The following COL22A1 variants were observed in gnomAD, a reference collection of about 807,000 sequenced individuals.
COL22A1 encodes collagen type XXII alpha 1 chain.
In COL22A1, 221 loss-of-function variants were observed where a neutral mutation model predicts 248.9. The observed-to-expected ratio is 0.89, with a 90% confidence interval of 0.80 to 0.99. The LOEUF (loss-of-function observed/expected upper bound fraction) is 0.99. COL22A1 is among the 50% of genes least tolerant of loss of function. The pLI is 0.00. For synonymous variants in COL22A1, 891 were observed against 793.4 expected (o/e 1.12, Z -2.07); for missense variants, 2,240 against 2,179.0 (o/e 1.03, Z -0.56).
Position 138,616,049 on chromosome 8 carries a change from C to T in COL22A1, c.3876G>A (p.Glu1292=). ...GDSGAPGPRG[E]SGAMGLPGQE... ...GACCAGGAAGCCCCATGGCACCAGACTCTCCCTAGGAACAAAAAAGCCTGC... is the reference window on the plus strand; with the variant it reads ...GACCAGGAAGCCCCATGGCACCAGATTCTCCCTAGGAACAAAAAAGCCTGC... The change falls in exon 55 of 65, where the codon GAG becomes GAA. Residue 1292 remains glutamate (E), a synonymous_variant. Transcript: ENST00000303045. The T allele has an allele frequency of 6.2e-7, 1 of 1,613,246 alleles. No individual in the cohort carries two copies.
At chr8:138,756,463 A>G (rs1375596265) in intron 18 of COL22A1, among the ~76,000 whole-genome samples, 1 of 152,184 alleles carries the variant, frequency 6.6e-6, no homozygotes, top group East Asian at 1.9e-4. Context: ...AAGCATATTT[A>G]TCAATTTTGA....
intron 16 of COL22A1, among the ~76,000 whole-genome samples, chr8:138,763,564 G>T (rs1042407344): frequency 6.6e-6 from 1 of 152,148 alleles, no homozygotes; most frequent in African/African-American, 2.4e-5. Context: ...GGTGTTCCCA[G>T]TGGGGGTCCT....
intron 61 of COL22A1, among the ~76,000 whole-genome samples, 192 bp from the exon 62 acceptor site, chr8:138,597,162 A>AT (rs1817612201): frequency 6.6e-6 from 1 of 151,976 alleles, no homozygotes; most frequent in Non-Finnish European, 1.5e-5. Flanking sequence ...GCATCATCCC[A>AT]TTTTACACAG....
chr8:138,724,636 C>G lies in COL22A1; in HGVS notation c.2226G>C (p.Lys742Asn). ...GLPGEIGFPG[K>N]PGPPGPTGPP... is the part of the protein sequence containing the mutation. ...TCACCGTGGGCCCAGGAGGTCCAGG[C>G]TTTCCCGGGAAGCCGATCTCTCCAG... The change falls in exon 25 of 65, where the codon AAG becomes AAC. Residue 742 changes from lysine (K) to asparagine (N), a missense_variant. By Grantham distance (94) the Lys-to-Asn change is moderately conservative. Transcript: ENST00000303045. 1 of 1,614,186 alleles carries G rather than the reference C, an allele frequency of 6.2e-7. No individual in the cohort carries two copies. The highest frequency in any genetic ancestry group is 8.5e-7 in the Non-Finnish European group (1 of 1,180,010).
chr8:138,865,572 T>C (rs948973072), intron 3 of COL22A1, among the ~76,000 whole-genome samples: 1 of 151,882 alleles, frequency 6.6e-6, no homozygotes, highest in Non-Finnish European at 1.5e-5. Context: ...TGTGTGTATG[T>C]ATGCCTGTGT....
Position 138,623,775 on chromosome 8 carries a change from C to T in COL22A1, c.3728G>A (p.Gly1243Asp). ...SGLPGIPGEE[G>D]KEGRDGKPGP... The stretch of plus-strand genomic sequence containing the variant: ...CGGCTTTCCATCTCTGCCCTCTTTG[C>T]CTTCTTCTCCCTGCAAGAGAAACTC... Residue 1243 changes from glycine (G) to aspartate (D), a missense_variant, in exon 52 of 65, where the codon GGC (glycine) becomes GAC (aspartate). By Grantham distance (94) the Gly-to-Asp change is moderately conservative. Coordinates refer to ENST00000303045, the MANE Select transcript of COL22A1 (RefSeq NM_152888.3). The T allele has an allele frequency of 6.2e-7, 1 of 1,612,668 alleles. No homozygotes were observed. The highest frequency in any genetic ancestry group is 8.5e-7 in the Non-Finnish European group (1 of 1,179,398).
chr8:138,901,746 C>A (rs1035516990), intron 1 of COL22A1, among the ~76,000 whole-genome samples: 4 of 152,098 alleles, frequency 2.6e-5, no homozygotes, highest in Non-Finnish European at 5.9e-5. Flanking sequence ...ACAAACCCTG[C>A]TGCACCCCTC....
intron 22 of COL22A1, among the ~76,000 whole-genome samples, chr8:138,740,644 G>C (rs761382626): frequency 6.6e-6 from 1 of 152,172 alleles, no homozygotes; most frequent in African/African-American, 2.4e-5. Context: ...TAGGAGGCGC[G>C]TGGTAGACAA....
At chr8:138,672,072 G>A (rs1056393793) in intron 41 of COL22A1, among the ~76,000 whole-genome samples, 4 of 152,098 alleles carry the variant, frequency 2.6e-5, no homozygotes, top group African/African-American at 9.7e-5. Flanking sequence ...CATTATTCAG[G>A]GGCCAACTGT....
rs917970750 is a variant in COL22A1 at position 138,820,025 on chromosome 8, T to C, written c.1245+1111A>G. On this transcript the variant is annotated intron_variant, in intron 7 of 64. Transcript: ENST00000303045. ...TTATGTAGTGATACATTAGAAACTA[T>C]CTAAATACCACTAACAGGAGAATGA... 2.0e-5 allele frequency among the ~76,000 whole-genome samples: 3 copies of C among 152,048 alleles called. No homozygotes were observed. The East Asian group carries it at 5.8e-4, about 29-fold the overall frequency.
rs766785505 is a variant in COL22A1 at position 138,716,862 on chromosome 8, A to G, written c.2363T>C (p.Ile788Thr). 7.1e-5 allele frequency: 115 copies of G among 1,611,006 alleles called. 1 individual carries two copies. The South Asian group carries it at 9.1e-4, about 13-fold the overall frequency. The stretch of plus-strand genomic sequence containing the variant: ...TCGGCCTGCCAGGCCCTGCTCCCCA[A>G]TTTCTCCCTGAAAATGCAATAAAAC... ...LPGKPGLRGEIGEQGLAGRPG... is the reference protein window; with the variant it reads ...LPGKPGLRGETGEQGLAGRPG... The change falls in exon 28 of 65, where the codon ATT (isoleucine) becomes ACT (threonine). Residue 788 changes from isoleucine to threonine, a missense_variant. Transcript: ENST00000303045.
intron 6 of COL22A1, among the ~76,000 whole-genome samples, chr8:138,822,521 C>T (rs961058434): frequency 1.3e-5 from 2 of 152,226 alleles, no homozygotes; most frequent in African/African-American, 4.8e-5. Context: ...AGGCACAGAA[C>T]ATGAGTATCC....
intron 41 of COL22A1, among the ~76,000 whole-genome samples, chr8:138,674,616 G>A (rs578068286): frequency 3.4e-4 from 52 of 152,166 alleles, no homozygotes; most frequent in Non-Finnish European, 7.2e-4. Context: ...ATTTTTGCTG[G>A]CTCTTCGGTG....
intron 1 of COL22A1, among the ~76,000 whole-genome samples, chr8:138,909,155 T>C (rs1815244404): frequency 6.6e-6 from 1 of 152,238 alleles, no homozygotes; most frequent in East Asian, 1.9e-4. Context: ...GTTTTATTTG[T>C]ACTTGTGTTT....
chr8:138,760,832 C>T (rs1383159348), intron 17 of COL22A1, among the ~76,000 whole-genome samples: 8 of 152,152 alleles, frequency 5.3e-5, no homozygotes, highest in African/African-American at 1.9e-4. Context: ...GGAAGCTTTC[C>T]ACCAGCGGCC....
chr8:138,604,911 C>A (rs1587652095), intron 58 of COL22A1, 142 bp from the exon 59 acceptor site: 2 of 796,954 alleles, frequency 2.5e-6, no homozygotes, highest in South Asian at 3.2e-5. Context: ...AAGGACATCC[C>A]AGACAGGCTC....
At chr8:138,624,200 A>G (rs62530046) in intron 51 of COL22A1, among the ~76,000 whole-genome samples, 2,694 of 152,222 alleles carry the variant, frequency 0.018, 42 homozygotes, top group African/African-American at 0.032. Flanking sequence ...ATTTGATAAC[A>G]CGCAGGAAGG....
chr8:138,720,176 G>T (rs1399328660), intron 27 of COL22A1, among the ~76,000 whole-genome samples: 1 of 152,062 alleles, frequency 6.6e-6, no homozygotes, highest in African/African-American at 2.4e-5. Context: ...TTCCCCCTCA[G>T]GTCCATTTTT....
chr8:138,749,155 C>G (rs1477761239), intron 22 of COL22A1, among the ~76,000 whole-genome samples: 24 of 152,132 alleles, frequency 1.6e-4, no homozygotes, highest in Admixed American at 1.6e-3. Context: ...CACCTTTGGC[C>G]GTGATTGTGA....
Sources: gnomAD v4.1 joint callset for allele counts (sites outside exome capture counted in the v4.1 genomes callset) on GRCh38, gnomAD v4.1.1 for gene constraint, MANE v1.5 for transcripts, NCBI Gene and HGNC (gene_info 2026-07-23, HGNC 2026-07-21) for gene names.